The following SEMA3E variants were observed in gnomAD, a reference collection of about 807,000 sequenced individuals.
SEMA3E encodes semaphorin-3E.
In SEMA3E, 49 loss-of-function variants were observed where a neutral mutation model predicts 93.6. The observed-to-expected ratio is 0.52, with a 90% CI of 0.42 to 0.66. The LOEUF (loss-of-function observed/expected upper bound fraction) is 0.66. Among genes scored for constraint, SEMA3E ranks in the 30% least tolerant of loss-of-function variants. The pLI is 0.00. For synonymous variants in SEMA3E, 363 were observed against 330.7 expected (o/e 1.10, Z -1.06); for missense variants, 906 against 964.8 (o/e 0.94, Z 0.81).
rs150636350 is a variant in SEMA3E at position 83,494,354 on chromosome 7, C to T, written c.116-4080G>A. Reference sequence around the variant, plus strand: ...TATTAAGAACTAAGAGAAATTTCTTCTAAGGTTTTAATAGGTATACCGAAA... The same window carrying T: ...TATTAAGAACTAAGAGAAATTTCTTTTAAGGTTTTAATAGGTATACCGAAA... On this transcript the variant is annotated intron_variant, in intron 1 of 16. Transcript: ENST00000643230. Among the ~76,000 whole-genome samples, 62 of 151,586 alleles carry T rather than the reference C, an allele frequency of 4.1e-4. No individual in the cohort carries two copies. The East Asian group carries it at 8.5e-3, about 21-fold the overall frequency.
At chr7:83,493,964 A>T (rs1402057505) in intron 1 of SEMA3E, among the ~76,000 whole-genome samples, 1 of 151,920 alleles carries the variant, frequency 6.6e-6, no homozygotes, top group Non-Finnish European at 1.5e-5. Flanking sequence ...GAGCCATTCT[A>T]AAATAGAAAC....
chr7:83,628,287 G>T (rs946723195), intron 1 of SEMA3E, among the ~76,000 whole-genome samples: 1 of 151,902 alleles, frequency 6.6e-6, no homozygotes. Flanking sequence ...TCTTCTCAAG[G>T]TTATCTTCAT....
chr7:83,567,047 A>G (rs879523772), intron 1 of SEMA3E, among the ~76,000 whole-genome samples: 1 of 152,188 alleles, frequency 6.6e-6, no homozygotes, highest in Non-Finnish European at 1.5e-5. Context: ...ACACATAGAC[A>G]AAAAGCAAAA....
chr7:83,400,329 A>C, intron 10 of SEMA3E, 79 bp from the exon 11 acceptor site: 7 of 1,295,026 alleles, frequency 5.4e-6, no homozygotes, highest in Non-Finnish European at 1.1e-6. Context: ...GAGAAGAATC[A>C]GAAAAATTGA....
intron 4 of SEMA3E, among the ~76,000 whole-genome samples, chr7:83,445,469 G>A (rs1789206447): frequency 6.6e-6 from 1 of 152,196 alleles, no homozygotes; most frequent in South Asian, 2.1e-4. Flanking sequence ...TGTAATCCCA[G>A]CACTCTGGGA....
chr7:83,485,931 A>G (rs1034390080), intron 2 of SEMA3E, among the ~76,000 whole-genome samples: 14 of 152,148 alleles, frequency 9.2e-5, no homozygotes, highest in Non-Finnish European at 1.8e-4. Context: ...GATACTAAAG[A>G]AATAAATAGA....
At chr7:83,414,416 A>G (rs1252678339) in intron 5 of SEMA3E, among the ~76,000 whole-genome samples, 1 of 152,072 alleles carries the variant, frequency 6.6e-6, no homozygotes, top group Non-Finnish European at 1.5e-5. Context: ...TCTAACTCCC[A>G]TTCATTCAAT....
chr7:83,444,932 A>G (rs567771724), intron 4 of SEMA3E, among the ~76,000 whole-genome samples: 92 of 151,830 alleles, frequency 6.1e-4, no homozygotes, highest in African/African-American at 2.1e-3. Flanking sequence ...TGGCCTCCCA[A>G]AGTGCTGGGA....
intron 1 of SEMA3E, among the ~76,000 whole-genome samples, chr7:83,615,471 G>T (rs1249786874): frequency 6.6e-6 from 1 of 152,000 alleles, no homozygotes; most frequent in Non-Finnish European, 1.5e-5. Flanking sequence ...GGAAAAAATA[G>T]GCTCTACCAA....
At chr7:83,546,964 C>T (rs1791664268) in intron 1 of SEMA3E, among the ~76,000 whole-genome samples, 1 of 151,962 alleles carries the variant, frequency 6.6e-6, no homozygotes, top group South Asian at 2.1e-4. Context: ...TTAAGCAAGC[C>T]TAATGTCTGA....
chr7:83,490,357 A>G, intron 1 of SEMA3E, 83 bp from the exon 2 acceptor site: 1 of 1,410,988 alleles, frequency 7.1e-7, no homozygotes, highest in Non-Finnish European at 9.8e-7. Context: ...CTCTGTTTTC[A>G]TCCCTATTGG....
At chr7:83,387,556 T>C (rs1350977874) in intron 14 of SEMA3E, among the ~76,000 whole-genome samples, 1 of 151,990 alleles carries the variant, frequency 6.6e-6, no homozygotes, top group Non-Finnish European at 1.5e-5. Flanking sequence ...TTTCTAACAA[T>C]AAGACATAAA....
intron 1 of SEMA3E, among the ~76,000 whole-genome samples, chr7:83,533,183 C>G (rs1313976839): frequency 6.6e-6 from 1 of 152,238 alleles, no homozygotes; most frequent in East Asian, 1.9e-4. Flanking sequence ...GAAGTTACAA[C>G]CTAAAAGGGG....
chr7:83,437,829 A>T (rs1429423635), intron 4 of SEMA3E, among the ~76,000 whole-genome samples: 1 of 152,160 alleles, frequency 6.6e-6, no homozygotes, highest in East Asian at 1.9e-4. Context: ...AAGCAAGGAA[A>T]CTATTAAAAC....
At chr7:83,591,642 T>A (rs1367709601) in intron 1 of SEMA3E, among the ~76,000 whole-genome samples, 1 of 152,014 alleles carries the variant, frequency 6.6e-6, no homozygotes, top group Non-Finnish European at 1.5e-5. Flanking sequence ...AAAACTGCCA[T>A]TTTTTGTAGG....
Position 83,648,595 on chromosome 7 carries a change from G to T in SEMA3E, c.-53C>A. 1 of 1,379,762 alleles carries T rather than the reference G, an allele frequency of 7.2e-7. No individual in the cohort carries two copies. Among genetic ancestry groups the T allele is most frequent in the Non-Finnish European group, 1.0e-6 (1 of 973,280 alleles). 85.5% of individuals were successfully genotyped at this position (1,379,762 alleles called of 1,614,324 possible). On this transcript the variant is annotated 5_prime_UTR_variant, in exon 1 of 17. Transcript: ENST00000643230. ...GCTCCTCACTTTAAGGAGGGTCTGA[G>T]TTTTACTTAGGACTTCCCTCCAGGG...
chr7:83,549,638 A>G lies in SEMA3E; in HGVS notation c.116-59364T>C, dbSNP rs567829002. Among the ~76,000 whole-genome samples, 23 of 152,204 alleles carry G rather than the reference A, an allele frequency of 1.5e-4. 1 individual carries two copies. The highest frequency in any genetic ancestry group is 3.3e-4 in the Admixed American group (5 of 15,264). On this transcript the variant is annotated intron_variant, in intron 1 of 16. Transcript: ENST00000643230. ...TTTCTTAATTCTATATCCATAGGACATTTTCACCAATATTACTATTAAAGA... is the reference window on the plus strand; with the variant it reads ...TTTCTTAATTCTATATCCATAGGACGTTTTCACCAATATTACTATTAAAGA...
intron 1 of SEMA3E, among the ~76,000 whole-genome samples, chr7:83,540,743 C>A (rs889014461): frequency 6.6e-6 from 1 of 152,090 alleles, no homozygotes; most frequent in African/African-American, 2.4e-5. Flanking sequence ...AGTGTGAAGG[C>A]AGAAGGTCTG....
chr7:83,528,229 A>G (rs17446296), intron 1 of SEMA3E, among the ~76,000 whole-genome samples: 80,176 of 151,992 alleles, frequency 0.53, 23,503 homozygotes, highest in Middle Eastern at 0.69. Context: ...GCTATGAAGC[A>G]TTTCTAACTT....
Sources: allele counts gnomAD v4.1 joint callset (sites outside exome capture counted in the v4.1 genomes callset), GRCh38; gene constraint gnomAD v4.1.1; transcripts MANE v1.5; gene names NCBI Gene and HGNC (gene_info 2026-07-23, HGNC 2026-07-21).